The following MGAT4C variants were observed in gnomAD, a reference collection of about 807,000 sequenced individuals.
MGAT4C encodes the protein alpha-1,3-mannosyl-glycoprotein 4-beta-N-acetylglucosaminyltransferase C.
In MGAT4C, 19 loss-of-function variants were observed where a neutral mutation model predicts 40.1. The observed-to-expected ratio is 0.47, with a 90% CI of 0.33 to 0.70. MGAT4C has a LOEUF of 0.70. Ranked by LOEUF, MGAT4C falls within the 30% of genes least tolerant of loss-of-function variation. The pLI is 0.02. For missense variants in MGAT4C, 491 were observed against 563.2 expected, an observed-to-expected ratio of 0.87 and a Z score of 1.30; for synonymous variants, 181 against 187.1, an observed-to-expected ratio of 0.97 and a Z score of 0.27.
At chr12:86,375,903 T>C (rs1592760004) in intron 3 of MGAT4C, among the ~76,000 whole-genome samples, 1 of 151,886 alleles carries the variant, frequency 6.6e-6, no homozygotes, top group African/African-American at 2.4e-5. Context: ...TATTTTAAAG[T>C]GGGAGAGATA....
intron 3 of MGAT4C, among the ~76,000 whole-genome samples, chr12:86,420,829 A>G (rs1178018624): frequency 6.7e-6 from 1 of 149,594 alleles, no homozygotes; most frequent in Non-Finnish European, 1.5e-5. Context: ...GTGTGTATGT[A>G]TACATACACA....
intron 4 of MGAT4C, among the ~76,000 whole-genome samples, chr12:86,264,368 G>C (rs969965171): frequency 3.3e-5 from 5 of 152,122 alleles, no homozygotes; most frequent in African/African-American, 1.2e-4. Flanking sequence ...AGAGATAGGG[G>C]ATAGGAGCCG....
intron 3 of MGAT4C, among the ~76,000 whole-genome samples, chr12:86,409,567 A>G (rs1956561896): frequency 6.6e-6 from 1 of 152,186 alleles, no homozygotes; most frequent in Non-Finnish European, 1.5e-5. Flanking sequence ...TACTTCTACA[A>G]GGACTTCAGC....
chr12:86,366,023 T>C (rs1412733932), intron 3 of MGAT4C, among the ~76,000 whole-genome samples: 2 of 152,240 alleles, frequency 1.3e-5, no homozygotes, highest in Admixed American at 1.3e-4. Context: ...TCCATGAGCA[T>C]GAAATGTTTT....
At chr12:86,190,663 T>G (rs1889284703) in intron 1 of MGAT4C, among the ~76,000 whole-genome samples, 1 of 152,098 alleles carries the variant, frequency 6.6e-6, no homozygotes, top group Admixed American at 6.6e-5. Context: ...ATTTTACTTC[T>G]AAGTAAATAC....
chr12:86,781,738 TA>T (rs1438343738), intron 1 of MGAT4C, among the ~76,000 whole-genome samples: 2 of 152,172 alleles, frequency 1.3e-5, no homozygotes, highest in African/African-American at 4.8e-5. Context: ...ATAAATTTCT[TA>T]CTTCCTATAG....
intron 1 of MGAT4C, among the ~76,000 whole-genome samples, chr12:86,180,358 C>T (rs1443827327): frequency 2.0e-5 from 3 of 152,142 alleles, no homozygotes; most frequent in South Asian, 2.1e-4. Flanking sequence ...GGGTCGGATC[C>T]CCACATAGAG....
intron 2 of MGAT4C, among the ~76,000 whole-genome samples, chr12:86,618,217 A>G (rs1009923809): frequency 3.9e-5 from 6 of 152,204 alleles, no homozygotes; most frequent in African/African-American, 9.7e-5. Context: ...ATTCTTATAC[A>G]CTGTTAGTGG....
chr12:86,646,257 G>A (rs1032032910), intron 2 of MGAT4C, among the ~76,000 whole-genome samples: 2 of 151,804 alleles, frequency 1.3e-5, no homozygotes, highest in African/African-American at 4.8e-5. Flanking sequence ...ACCAGGATAA[G>A]TGGCTTTTCT....
intron 1 of MGAT4C, among the ~76,000 whole-genome samples, chr12:86,787,991 G>A (rs970623267): frequency 1.3e-5 from 2 of 151,984 alleles, no homozygotes; most frequent in Non-Finnish European, 2.9e-5. Context: ...TAGAGAATAG[G>A]TCATGGATAG....
chr12:86,122,518 C>T (rs1481564464), intron 1 of MGAT4C, among the ~76,000 whole-genome samples: 4 of 152,052 alleles, frequency 2.6e-5, no homozygotes, highest in Admixed American at 1.3e-4. Flanking sequence ...TAAGTTATAA[C>T]TAAATAGGTA....
At chr12:86,655,539 A>G (rs1212657533) in intron 2 of MGAT4C, among the ~76,000 whole-genome samples, 1 of 152,066 alleles carries the variant, frequency 6.6e-6, no homozygotes, top group African/African-American at 2.4e-5. Context: ...CTTTATTTCC[A>G]CAACTTGAAT....
intron 1 of MGAT4C, among the ~76,000 whole-genome samples, chr12:86,779,022 A>C (rs1951788950): frequency 6.6e-6 from 1 of 151,056 alleles, no homozygotes; most frequent in South Asian, 2.1e-4. Context: ...AAAAAAAAAA[A>C]AACAACTGTT....
At chr12:85,999,595 A>G (rs1887062603) in intron 2 of MGAT4C, among the ~76,000 whole-genome samples, 1 of 150,626 alleles carries the variant, frequency 6.6e-6, no homozygotes, top group African/African-American at 2.4e-5. Flanking sequence ...ATATATATAT[A>G]TATATATATA....
At chr12:86,159,167 G>A (rs914155768) in intron 1 of MGAT4C, among the ~76,000 whole-genome samples, 4 of 152,090 alleles carry the variant, frequency 2.6e-5, no homozygotes, top group African/African-American at 9.7e-5. Context: ...TAGTCCGTGG[G>A]TGTGTCATGC....
intron 2 of MGAT4C, among the ~76,000 whole-genome samples, chr12:86,493,108 C>G (rs1374204462): frequency 6.6e-6 from 1 of 150,706 alleles, no homozygotes; most frequent in Non-Finnish European, 1.5e-5. Flanking sequence ...TACCATCTCA[C>G]ACAAGTTAGA....
chr12:86,523,052 G>T (rs1958822152), intron 2 of MGAT4C, among the ~76,000 whole-genome samples: 1 of 151,804 alleles, frequency 6.6e-6, no homozygotes, highest in Non-Finnish European at 1.5e-5. Context: ...AACAATTCCT[G>T]GATTAGTTGA....
intron 2 of MGAT4C, among the ~76,000 whole-genome samples, chr12:86,560,360 C>T (rs576695952): frequency 8.2e-4 from 124 of 151,950 alleles, no homozygotes; most frequent in African/African-American, 2.9e-3. Flanking sequence ...GCCAATGACC[C>T]TCATGAACAT....
At chr12:86,137,382 A>G (rs1448286585) in intron 1 of MGAT4C, among the ~76,000 whole-genome samples, 1 of 152,184 alleles carries the variant, frequency 6.6e-6, no homozygotes, top group African/African-American at 2.4e-5. Flanking sequence ...CTAGGCTTCA[A>G]TTAAATATCC....
Sources: gnomAD v4.1 joint callset for allele counts (sites outside exome capture counted in the v4.1 genomes callset) on GRCh38, gnomAD v4.1.1 for gene constraint, MANE v1.5 for transcripts, NCBI Gene and HGNC (gene_info 2026-07-23, HGNC 2026-07-21) for gene names.